The following ACAD10 variants were observed in gnomAD, a reference collection of about 807,000 sequenced individuals.
The protein encoded by ACAD10 is ACAD-10.
A neutral mutation model predicts 116.8 loss-of-function variants in ACAD10; 112 were observed. The observed-to-expected ratio is 0.96, with a 90% CI of 0.82 to 1.12. ACAD10 has a LOEUF of 1.12. ACAD10 is among the 50% of genes most tolerant of loss of function. The pLI is 0.00. For missense variants in ACAD10, 1,259 were observed against 1,350.2 expected, an observed-to-expected ratio of 0.93 and a Z score of 1.06; for synonymous variants, 486 against 510.6, an observed-to-expected ratio of 0.95 and a Z score of 0.65.
Position 111,756,725 on chromosome 12 carries a change from A to C in ACAD10, c.*252A>C. The C allele has an allele frequency of 1.5e-6, 1 of 669,996 alleles. No individual in the cohort carries two copies. The highest frequency in any genetic ancestry group is 1.8e-5 in the African/African-American group (1 of 56,498). The allele number at this position is 669,996 out of a possible 1,614,324, so 41.5% of individuals were successfully genotyped here. On this transcript the variant is annotated 3_prime_UTR_variant, in exon 21 of 21. Coordinates refer to ENST00000313698, the MANE Select transcript of ACAD10 (RefSeq NM_025247.6). ...AAGGGGGTTCTGGGACAGAGTCTGG[A>C]AAGCTGGTCTTCAGGCTCTCAGTCC... is the stretch of plus-strand genomic sequence containing the variant.
intron 2 of ACAD10, among the ~76,000 whole-genome samples, chr12:111,701,103 A>T (rs1454023443): frequency 5.3e-5 from 8 of 151,940 alleles, no homozygotes. Context: ...TGTCTGAAAA[A>T]TTTTCAATGC....
In ACAD10 at chr12:111,705,803, G is replaced by A. The variant is rs1888484597; in HGVS notation, c.402G>A (p.Gln134=). The change falls in exon 4 of 21, where the codon CAG becomes CAA. Residue 134 remains glutamine (Q), a synonymous_variant. Transcript: ENST00000313698. ...SLLTSERVAK[Q]FPVMTEAITQ... ...TGACCAGTGAGCGAGTGGCAAAGCAGTTCCCAGTGATGACTGAGGCCATAA... is the reference window on the plus strand; with the variant it reads ...TGACCAGTGAGCGAGTGGCAAAGCAATTCCCAGTGATGACTGAGGCCATAA... 1 of 1,614,070 alleles carries A rather than the reference G, an allele frequency of 6.2e-7. No homozygotes were observed. Among genetic ancestry groups the A allele is most frequent in the Admixed American group, 1.7e-5 (1 of 60,000 alleles).
chr12:111,737,119 G>A (rs939316801), intron 12 of ACAD10, 115 bp downstream of exon 12: 46 of 897,108 alleles, frequency 5.1e-5, no homozygotes, highest in Non-Finnish European at 2.4e-5. Context: ...GATTTGGCCA[G>A]GATTCTCTGA....
chr12:111,746,114 T>A, intron 13 of ACAD10, 30 bp from the exon 14 acceptor site: 1 of 1,602,200 alleles, frequency 6.2e-7, no homozygotes, highest in Non-Finnish European at 8.5e-7. Flanking sequence ...TCTTCCACTG[T>A]GGTTTCCTGA....
intron 1 of ACAD10, among the ~76,000 whole-genome samples, chr12:111,691,428 C>G (rs1337246837): frequency 6.6e-6 from 1 of 152,010 alleles, no homozygotes; most frequent in East Asian, 1.9e-4. Context: ...AAGACAGTGA[C>G]TGGTAAACTG....
chr12:111,749,623 G>T (rs1890014025), intron 18 of ACAD10: 2 of 433,114 alleles, frequency 4.6e-6, no homozygotes, highest in Non-Finnish European at 8.3e-6. Flanking sequence ...AGGTCATGCT[G>T]CTAGCACATT....
At chr12:111,706,378 C>A (rs1566145781) in intron 4 of ACAD10, among the ~76,000 whole-genome samples, 1 of 152,174 alleles carries the variant, frequency 6.6e-6, no homozygotes, top group Non-Finnish European at 1.5e-5. Context: ...TGTGTGTATC[C>A]CAACCTGTCA....
At position 111,749,172 on chromosome 12, in the gene ACAD10, G is replaced by T; in HGVS notation, c.2645-1G>T. 4 of 1,612,632 alleles carry T rather than the reference G, an allele frequency of 2.5e-6. No individual in the cohort carries two copies. Among genetic ancestry groups the T allele is most frequent in the Non-Finnish European group, 3.4e-6 (4 of 1,178,734 alleles). On this transcript the variant is annotated splice_acceptor_variant, in intron 17 of 20. Coordinates refer to ENST00000313698, the MANE Select transcript of ACAD10 (RefSeq NM_025247.6). LOFTEE classifies it high-confidence loss of function. ...TCACAGTGATCGTTTGGGTCTTTCA[G>T]GTGGCCATGGTGAAGTCCGATTTGA... is the stretch of plus-strand genomic sequence containing the variant.
chr12:111,728,218 T>G, intron 9 of ACAD10, 75 bp downstream of exon 9: 1 of 1,472,024 alleles, frequency 6.8e-7, no homozygotes, highest in South Asian at 1.4e-5. Flanking sequence ...TGAATCGTTT[T>G]GGGTCGTTTT....
At chr12:111,746,877 A>G (rs776574825) in intron 14 of ACAD10, among the ~76,000 whole-genome samples, 172 bp from the exon 15 acceptor site, 12 of 152,160 alleles carry the variant, frequency 7.9e-5, no homozygotes, top group Admixed American at 2.6e-4. Context: ...GCATACCTGT[A>G]GTCTCAGCTG....
intron 11 of ACAD10, among the ~76,000 whole-genome samples, chr12:111,734,635 A>G (rs1315929524): frequency 1.3e-5 from 2 of 152,190 alleles, no homozygotes. Flanking sequence ...AAAAAAACAA[A>G]AACAAACCAC....
intron 3 of ACAD10, among the ~76,000 whole-genome samples, chr12:111,703,102 AT>A (rs1555256126): frequency 1.4e-5 from 2 of 142,662 alleles, no homozygotes; most frequent in Admixed American, 8.0e-5. Flanking sequence ...AAAAAAAAAA[AT>A]TCTTTACTAA....
intron 3 of ACAD10, among the ~76,000 whole-genome samples, chr12:111,704,688 C>CT (rs59745029): frequency 0.15 from 18,636 of 126,030 alleles, 2,617 homozygotes; most frequent in East Asian, 0.62. Flanking sequence ...TTCTTTCTTT[C>CT]TTTTTTTTTT....
chr12:111,739,170 A>G (rs1337770180), intron 12 of ACAD10, among the ~76,000 whole-genome samples: 2 of 152,200 alleles, frequency 1.3e-5, no homozygotes, highest in African/African-American at 2.4e-5. Context: ...GGATGTGGGC[A>G]ATAAGCTTCA....
intron 2 of ACAD10, among the ~76,000 whole-genome samples, chr12:111,694,564 A>G (rs560080738): frequency 1.1e-4 from 17 of 152,202 alleles, no homozygotes; most frequent in African/African-American, 4.1e-4. Context: ...AAGTTTCTTG[A>G]CTTTCTCTAG....
chr12:111,714,918 G>A (rs148900716), intron 6 of ACAD10, among the ~76,000 whole-genome samples: 209 of 152,070 alleles, frequency 1.4e-3, no homozygotes, highest in Middle Eastern at 3.4e-3. Flanking sequence ...GTTTCACCAC[G>A]TTGGTCAGGC....
At chr12:111,754,896 C>T (rs1890166224) in intron 19 of ACAD10, among the ~76,000 whole-genome samples, 1 of 152,230 alleles carries the variant, frequency 6.6e-6, no homozygotes, top group South Asian at 2.1e-4. Context: ...ACTTGCTTCG[C>T]ATCTTGTGAC....
chr12:111,709,727 A>C, intron 5 of ACAD10, 43 bp downstream of exon 5: 1 of 1,538,060 alleles, frequency 6.5e-7, no homozygotes, highest in Non-Finnish European at 8.8e-7. Context: ...TGCACCAGCC[A>C]CTAATGCAAT....
intron 19 of ACAD10, 121 bp downstream of exon 19, chr12:111,754,036 T>G: frequency 1.4e-6 from 2 of 1,391,698 alleles, no homozygotes; most frequent in Non-Finnish European, 1.9e-6. Flanking sequence ...TTGGAGCTGT[T>G]TGGGCAGTTT....
Sources: allele counts gnomAD v4.1 joint callset (sites outside exome capture counted in the v4.1 genomes callset), GRCh38; gene constraint gnomAD v4.1.1; transcripts MANE v1.5; gene names NCBI Gene and HGNC (gene_info 2026-07-23, HGNC 2026-07-21).